Variants in DGKI observed in about 807,000 individuals in gnomAD.
DGKI encodes the protein DAG kinase iota.
Under a neutral mutation model 147.5 loss-of-function variants are expected in DGKI, and 55 were observed. The ratio of observed to expected loss-of-function variants is 0.37; its 90% CI spans 0.30 to 0.47. The LOEUF is 0.47. DGKI is among the 20% of genes least tolerant of loss of function. DGKI has a pLI of 1.00. For synonymous variants in DGKI, 469 were observed against 477.1 expected (o/e 0.98, Z 0.22); for missense variants, 1,007 against 1,323.8 (o/e 0.76, Z 3.71).
intron 30 of DGKI, among the ~76,000 whole-genome samples, chr7:137,398,691 T>C (rs1232581477): frequency 6.6e-6 from 1 of 152,024 alleles, no homozygotes; most frequent in African/African-American, 2.4e-5. Flanking sequence ...CTCCTGGTCA[T>C]CCAAATCATC....
chr7:137,429,038 A>C (rs1019460432), intron 28 of DGKI, among the ~76,000 whole-genome samples: 17 of 152,012 alleles, frequency 1.1e-4, no homozygotes, highest in African/African-American at 4.1e-4. Context: ...TCTTCACAGA[A>C]TTGGAAAAAA....
intron 3 of DGKI, among the ~76,000 whole-genome samples, chr7:137,656,916 A>T (rs964158536): frequency 5.9e-5 from 9 of 152,174 alleles, no homozygotes; most frequent in South Asian, 4.1e-4. Context: ...TATTTTCTAC[A>T]TTATCACTCA....
rs535346620 is a variant in DGKI at position 137,425,137 on chromosome 7, G to T, written c.2762-12930C>A. 1.4e-4 allele frequency among the ~76,000 whole-genome samples: 21 copies of T among 152,312 alleles called. No homozygotes were observed. In the South Asian group the frequency reaches 3.9e-3, roughly 29 times the overall value. On this transcript the variant is annotated intron_variant, in intron 28 of 32. Coordinates refer to ENST00000614521, the MANE Select transcript of DGKI (RefSeq NM_001321708.2). Reference sequence around the variant, plus strand: ...CCCTGACCCCTGAGCAGCCTAGCTGGGAGGCACCCCCCAGTAGGGGCAGAC... The same window carrying T: ...CCCTGACCCCTGAGCAGCCTAGCTGTGAGGCACCCCCCAGTAGGGGCAGAC...
At chr7:137,421,786 T>G (rs765030883) in intron 28 of DGKI, among the ~76,000 whole-genome samples, 68 of 152,236 alleles carry the variant, frequency 4.5e-4, no homozygotes, top group Non-Finnish European at 9.1e-4. Flanking sequence ...GAAATCTCTA[T>G]GGGACAGAAA....
intron 1 of DGKI, among the ~76,000 whole-genome samples, chr7:137,697,492 T>A (rs1274208049): frequency 6.6e-6 from 1 of 152,154 alleles, no homozygotes; most frequent in Non-Finnish European, 1.5e-5. Flanking sequence ...GGGAAAGAAA[T>A]GCCTAAAAAG....
rs546450907 is a variant in DGKI at position 137,559,106 on chromosome 7, C to G, written c.1948-6538G>C. Among the ~76,000 whole-genome samples the G allele has an allele frequency of 7.8e-5, 8 of 102,096 alleles. No individual in the cohort carries two copies. In the Admixed American group the frequency reaches 1.1e-3, roughly 14 times the overall value. 67.0% of individuals were successfully genotyped at this position (102,096 alleles called of 152,430 possible). A position where few individuals can be genotyped will look rare whatever the true frequency, so the allele number is the denominator to read the frequency against. On this transcript the variant is annotated intron_variant, in intron 19 of 32. Coordinates refer to ENST00000614521, the MANE Select transcript of DGKI (RefSeq NM_001321708.2). Reference sequence around the variant, plus strand: ...TTTTTTTTTGAGACGGAGTCTCGCTCTGTCGCCCAGGCTGGAGTGCAGTGG... The same window carrying G: ...TTTTTTTTTGAGACGGAGTCTCGCTGTGTCGCCCAGGCTGGAGTGCAGTGG...
At chr7:137,754,758 C>T (rs1795628821) in intron 1 of DGKI, among the ~76,000 whole-genome samples, 1 of 152,172 alleles carries the variant, frequency 6.6e-6, no homozygotes. Flanking sequence ...GAGGCAGAAA[C>T]GGCAGCGATG....
At chr7:137,637,727 T>G (rs530471210) in intron 6 of DGKI, among the ~76,000 whole-genome samples, 123 of 152,378 alleles carry the variant, frequency 8.1e-4, no homozygotes, top group African/African-American at 2.9e-3. Context: ...ATAAATAAAC[T>G]AAGCACTGGC....
chr7:137,434,956 G>A (rs1016546220), intron 28 of DGKI, among the ~76,000 whole-genome samples: 1 of 151,966 alleles, frequency 6.6e-6, no homozygotes, highest in Non-Finnish European at 1.5e-5. Flanking sequence ...CAGTCTATAG[G>A]GAACACCCAC....
intron 1 of DGKI, among the ~76,000 whole-genome samples, chr7:137,760,666 AG>A (rs962729934): frequency 1.1e-4 from 17 of 152,308 alleles, no homozygotes; most frequent in African/African-American, 4.1e-4. Flanking sequence ...GAGAGCCAGA[AG>A]GGGGAAGTCC....
intron 28 of DGKI, among the ~76,000 whole-genome samples, chr7:137,438,337 C>T (rs972758866): frequency 6.6e-6 from 1 of 152,070 alleles, no homozygotes; most frequent in African/African-American, 2.4e-5. Flanking sequence ...TGTTTGATCT[C>T]ATGTGTAATC....
intron 5 of DGKI, among the ~76,000 whole-genome samples, chr7:137,651,542 G>A (rs1156570885): frequency 2.0e-5 from 3 of 152,182 alleles, no homozygotes; most frequent in African/African-American, 4.8e-5. Context: ...TGAGATGACT[G>A]TGATACATTC....
intron 12 of DGKI, 123 bp from the exon 13 acceptor site, chr7:137,587,333 T>C: frequency 1.5e-6 from 1 of 677,420 alleles, no homozygotes; most frequent in Non-Finnish European, 2.3e-6. Context: ...TTAAAACATG[T>C]ATGTTTTCAT....
intron 1 of DGKI, among the ~76,000 whole-genome samples, chr7:137,823,114 G>T (rs1187459717): frequency 6.7e-6 from 1 of 149,994 alleles, no homozygotes; most frequent in Non-Finnish European, 1.5e-5. Context: ...TTAGAGCGAA[G>T]AGATCTAAAA....
rs371274906 is a variant in DGKI, at chr7:137,395,697, C to T, written c.2958G>A (p.Thr986=). Residue 986 remains threonine (T), a splice_region_variant and synonymous_variant, in exon 32 of 33, where the codon ACG becomes ACA. Coordinates refer to ENST00000614521, the MANE Select transcript of DGKI (RefSeq NM_001321708.2). ...SELLDMADSE[T]GETALHKAAC... is the part of the protein sequence containing the mutation. The stretch of plus-strand genomic sequence containing the variant: ...CAGCCTTGTGCAGTGCAGTCTCACC[C>T]CTAAATCAAAGATGAAATGGGAAAC... 225 of 1,613,538 alleles carry T rather than the reference C, an allele frequency of 1.4e-4. No homozygotes were observed. The South Asian group carries it at 2.3e-3, about 17-fold the overall frequency.
chr7:137,810,522 T>G (rs1797529069), intron 1 of DGKI, among the ~76,000 whole-genome samples: 2 of 152,226 alleles, frequency 1.3e-5, no homozygotes, highest in Non-Finnish European at 2.9e-5. Context: ...ACACCTTGAC[T>G]GCTCACCAAA....
At position 137,846,759 on chromosome 7, in the gene DGKI, C is replaced by CCGGG; in HGVS notation, c.100_103dup (p.Gly35AlafsTer138). On this transcript the variant is annotated frameshift_variant, in exon 1 of 33. Transcript: ENST00000614521. LOFTEE classifies it high-confidence loss of function. The surrounding 1 kb of genome is among the most constrained non-coding windows in gnomAD (Gnocchi z 4.0). Reference sequence around the variant, plus strand: ...AGCGCAGGCGGCGCCGCTGCAGGGGCCGGGCGGGCTGGCGGCGGCGGCGGC... The same window carrying CCGGG: ...AGCGCAGGCGGCGCCGCTGCAGGGGCCGGGCGGGCGGGCTGGCGGCGGCGGCGGC... 9.7e-7 allele frequency: 1 copy of CCGGG among 1,027,996 alleles called. No homozygotes were observed. The highest frequency in any genetic ancestry group is 1.2e-6 in the Non-Finnish European group (1 of 860,018). The allele number at this position is 1,027,996 out of a possible 1,614,324, so 63.7% of individuals were successfully genotyped here. A position where few individuals can be genotyped will look rare whatever the true frequency, so the allele number is the denominator to read the frequency against.
chr7:137,613,559 T>C (rs1426300271), intron 8 of DGKI, among the ~76,000 whole-genome samples: 1 of 152,098 alleles, frequency 6.6e-6, no homozygotes, highest in Admixed American at 6.6e-5. Context: ...TTTCATGGGT[T>C]CCCAGTATTT....
chr7:137,510,217 A>T (rs976564249), intron 21 of DGKI, among the ~76,000 whole-genome samples: 2 of 152,264 alleles, frequency 1.3e-5, no homozygotes, highest in African/African-American at 4.8e-5. Flanking sequence ...TGTAAGTTTA[A>T]TGACAATGAT....
Sources: allele counts gnomAD v4.1 joint callset (sites outside exome capture counted in the v4.1 genomes callset), GRCh38; gene constraint gnomAD v4.1.1; non-coding constraint Gnocchi (gnomAD v3.1); transcripts MANE v1.5; gene names NCBI Gene and HGNC (gene_info 2026-07-23, HGNC 2026-07-21).